The following NRXN1 variants were observed in gnomAD, a reference collection of about 807,000 sequenced individuals.
The protein encoded by NRXN1 is neurexin-1.
Under a neutral mutation model 150.9 loss-of-function variants are expected in NRXN1, and 39 were observed. That is an observed-to-expected ratio of 0.26 (90% confidence interval 0.20 to 0.34). The LOEUF is 0.34. Among genes scored for constraint, NRXN1 ranks in the 10% least tolerant of loss-of-function variants. The probability of loss-of-function intolerance (pLI) is 1.00; values close to 1 mark genes in which losing one functional copy is unlikely to be tolerated. For synonymous variants in NRXN1, 924 were observed against 757.0 expected, an observed-to-expected ratio of 1.22 and a Z score of -3.62; for missense variants, 1,815 against 1,949.9, an observed-to-expected ratio of 0.93 and a Z score of 1.30.
At chr2:50,786,464 G>A (rs1477013238) in intron 5 of NRXN1, among the ~76,000 whole-genome samples, 1 of 152,108 alleles carries the variant, frequency 6.6e-6, no homozygotes, top group Non-Finnish European at 1.5e-5. Flanking sequence ...CCAACACAGG[G>A]CTTGGGTTTT....
intron 5 of NRXN1, among the ~76,000 whole-genome samples, chr2:50,804,339 A>G (rs1667234432): frequency 6.6e-6 from 1 of 152,214 alleles, no homozygotes; most frequent in African/African-American, 2.4e-5. Flanking sequence ...TTATGTGGAA[A>G]GAAACAGTAC....
chr2:49,922,345 G>A, intron 22 of NRXN1, 94 bp from the exon 23 acceptor site: 2 of 1,248,376 alleles, frequency 1.6e-6, no homozygotes, highest in East Asian at 2.5e-5. Flanking sequence ...AATTCTAACA[G>A]CACCTATGCT....
chr2:51,018,350 T>C (rs1304469744), intron 2 of NRXN1, among the ~76,000 whole-genome samples: 1 of 152,084 alleles, frequency 6.6e-6, no homozygotes, highest in Admixed American at 6.6e-5. Flanking sequence ...TGTCAGTGCA[T>C]TTCTAATTAC....
chr2:50,115,883 T>C (rs1369842499), intron 18 of NRXN1, among the ~76,000 whole-genome samples: 1 of 152,144 alleles, frequency 6.6e-6, no homozygotes, highest in African/African-American at 2.4e-5. Context: ...ATAAGCAGTC[T>C]GTCTTTTTAA....
intron 17 of NRXN1, among the ~76,000 whole-genome samples, chr2:50,454,164 A>G (rs1326404185): frequency 6.6e-6 from 1 of 152,038 alleles, no homozygotes; most frequent in Non-Finnish European, 1.5e-5. Flanking sequence ...CATCTCTCCT[A>G]AAAATACAAA....
intron 17 of NRXN1, among the ~76,000 whole-genome samples, chr2:50,293,331 G>A (rs2073169967): frequency 6.6e-6 from 1 of 151,988 alleles, no homozygotes; most frequent in African/African-American, 2.4e-5. Context: ...GGCCCAAAGT[G>A]CCTTTCATAT....
At chr2:50,447,699 C>A (rs115273212) in intron 17 of NRXN1, among the ~76,000 whole-genome samples, 1 of 121,468 alleles carries the variant, frequency 8.2e-6, no homozygotes, top group Non-Finnish European at 1.6e-5. Context: ...CTGGGAGATT[C>A]CTAGATTTTT....
intron 21 of NRXN1, among the ~76,000 whole-genome samples, chr2:50,048,050 T>TA (rs537525262): frequency 6.6e-5 from 10 of 151,952 alleles, no homozygotes; most frequent in East Asian, 1.9e-4. Flanking sequence ...ACGCAGAACT[T>TA]AAAAAAAATC....
At chr2:50,640,703 G>A (rs1683953934) in intron 5 of NRXN1, among the ~76,000 whole-genome samples, 1 of 152,148 alleles carries the variant, frequency 6.6e-6, no homozygotes, top group South Asian at 2.1e-4. Context: ...ATATAGGATT[G>A]TATCTTGCGA....
intron 2 of NRXN1, among the ~76,000 whole-genome samples, chr2:50,979,510 G>T (rs1003839345): frequency 1.3e-5 from 2 of 152,046 alleles, no homozygotes; most frequent in Admixed American, 6.6e-5. Context: ...TCATGACAAT[G>T]GAGGATATAA....
At chr2:50,382,273 T>C (rs939401) in intron 17 of NRXN1, among the ~76,000 whole-genome samples, 80,881 of 151,946 alleles carry the variant, frequency 0.53, 22,824 homozygotes, top group East Asian at 0.8. Flanking sequence ...TTCCCCATTG[T>C]ATTGATTTAT....
In NRXN1 at chr2:50,808,507, T is replaced by A. The variant is rs537805896; in HGVS notation, c.832+113362A>T. On this transcript the variant is annotated intron_variant, in intron 5 of 22. Coordinates refer to ENST00000401669, the MANE Select transcript of NRXN1 (RefSeq NM_001330078.2). The stretch of plus-strand genomic sequence containing the variant: ...AAAGAGAAACTAACATAAGTTAAAA[T>A]TGATTGTACATAGTGTCAAGACAGC... Among the ~76,000 whole-genome samples, 33 of 151,938 alleles carry A rather than the reference T, an allele frequency of 2.2e-4. 1 individual carries two copies. Among genetic ancestry groups the A allele is most frequent in the Non-Finnish European group, 8.8e-5 (6 of 67,946 alleles).
chr2:50,665,001 A>G lies in NRXN1; in HGVS notation c.833-41386T>C, dbSNP rs1346098985. ...AACAAATCATGTTAAACTTTACAGT[A>G]TCAAATGTGATAAACTAAAAGCATA... On this transcript the variant is annotated intron_variant, in intron 5 of 22. Transcript: ENST00000401669. Among the ~76,000 whole-genome samples, 6 of 152,050 alleles carry G rather than the reference A, an allele frequency of 3.9e-5. No individual in the cohort carries two copies. The East Asian group carries it at 1.2e-3, about 29-fold the overall frequency.
At chr2:50,846,921 T>G (rs1673743820) in intron 5 of NRXN1, among the ~76,000 whole-genome samples, 1 of 152,186 alleles carries the variant, frequency 6.6e-6, no homozygotes, top group Non-Finnish European at 1.5e-5. Context: ...TCCTACAATT[T>G]TTAAGCTAGT....
At chr2:50,282,284 G>A (rs996250926) in intron 17 of NRXN1, among the ~76,000 whole-genome samples, 6 of 152,130 alleles carry the variant, frequency 3.9e-5, no homozygotes, top group Admixed American at 2.6e-4. Context: ...GAGAGATGTA[G>A]TTCTATTTAA....
At chr2:50,775,355 C>A (rs1703481895) in intron 5 of NRXN1, among the ~76,000 whole-genome samples, 1 of 152,128 alleles carries the variant, frequency 6.6e-6, no homozygotes, top group Non-Finnish European at 1.5e-5. Flanking sequence ...CTAACAATTT[C>A]TTCCCCTGGG....
chr2:50,940,054 C>T (rs946630460), intron 2 of NRXN1, among the ~76,000 whole-genome samples: 2 of 152,140 alleles, frequency 1.3e-5, no homozygotes, highest in Non-Finnish European at 2.9e-5. Context: ...AACAGACCTA[C>T]GAAATAGAAT....
chr2:50,140,611 A>T (rs577826667), intron 18 of NRXN1, among the ~76,000 whole-genome samples: 3 of 152,050 alleles, frequency 2.0e-5, no homozygotes, highest in East Asian at 3.9e-4. Flanking sequence ...CTTCCATTCG[A>T]TACTCTCCTA....
chr2:50,212,523 T>A (rs946937463), intron 18 of NRXN1, among the ~76,000 whole-genome samples: 2 of 151,700 alleles, frequency 1.3e-5, no homozygotes, highest in Non-Finnish European at 2.9e-5. Context: ...ACTTAGAAGT[T>A]TTTGATAAAT....
Sources: allele counts gnomAD v4.1 joint callset (sites outside exome capture counted in the v4.1 genomes callset), GRCh38; gene constraint gnomAD v4.1.1; transcripts MANE v1.5; gene names NCBI Gene and HGNC (gene_info 2026-07-23, HGNC 2026-07-21).